The following RABGAP1 variants were observed in gnomAD, a reference collection of about 807,000 sequenced individuals.
The protein encoded by RABGAP1 is RAB GTPase activating protein 1.
A neutral mutation model predicts 137.6 loss-of-function variants in RABGAP1; 23 were observed. The observed-to-expected ratio is 0.17, with a 90% CI of 0.12 to 0.24. RABGAP1 has a LOEUF of 0.24. Ranked by LOEUF, RABGAP1 falls within the 10% of genes least tolerant of loss-of-function variation. The pLI, the probability that RABGAP1 is intolerant of heterozygous loss-of-function variation, is 1.00. For missense variants in RABGAP1, 906 were observed against 1,275.8 expected, an observed-to-expected ratio of 0.71 and a Z score of 4.42; for synonymous variants, 451 against 450.7, an observed-to-expected ratio of 1.00 and a Z score of -0.01.
At chr9:122,945,146 G>GTTTTTTTTTTTTTTTTTTTTTTTTTTTT (rs1564348056) in intron 1 of RABGAP1, among the ~76,000 whole-genome samples, 1 of 9,178 alleles carries the variant, frequency 1.1e-4, no homozygotes, top group African/African-American at 1.7e-4. Flanking sequence ...CATAGCTGTT[G>GTTTTTTTTTTTTTTTTTTTTTTTTTTTT]CTTTTTTTTT....
At position 123,029,337 on chromosome 9, in the gene RABGAP1, A is replaced by G. The variant is rs934585471; in HGVS notation, c.1794+8878A>G. ...AGCTCATTTTTTTTTTTTACTTAAT[A>G]AAGTTTTATTTTTCCAAATGTAGAG... On this transcript the variant is annotated intron_variant, in intron 13 of 25. Coordinates refer to ENST00000373647, the MANE Select transcript of RABGAP1 (RefSeq NM_012197.4). 7.9e-6 allele frequency: 6 copies of G among 756,612 alleles called. No individual in the cohort carries two copies. In the African/African-American group the frequency reaches 1.1e-4, roughly 13 times the overall value. The allele number at this position is 756,612 out of a possible 1,614,324, so 46.9% of individuals were successfully genotyped here. A position where few individuals can be genotyped will look rare whatever the true frequency, so the allele number is the denominator to read the frequency against.
chr9:123,093,372 A>T (rs1435674638), intron 21 of RABGAP1, among the ~76,000 whole-genome samples: 1 of 152,184 alleles, frequency 6.6e-6, no homozygotes, highest in Non-Finnish European at 1.5e-5. Context: ...CACTGGTGTT[A>T]AAAGGATGAG....
chr9:123,020,428 T>C lies in RABGAP1; in HGVS notation c.1763T>C (p.Leu588Pro). ...GCAGGCTGTCATAACAATGACCACC[T>C]GGTAGAGAAATACCGCATTCTTATC... is the stretch of plus-strand genomic sequence containing the variant. The part of the protein sequence containing the change: ...LLAGCHNNDH[L>P]VEKYRILITK... The change falls in exon 13 of 26, where the codon CTG becomes CCG. Residue 588 changes from leucine to proline, a missense_variant. Leu to Pro is a moderately conservative substitution (Grantham distance 98). Coordinates refer to ENST00000373647, the MANE Select transcript of RABGAP1 (RefSeq NM_012197.4). 6.2e-7 allele frequency: 1 copy of C among 1,605,012 alleles called. No homozygotes were observed. Among genetic ancestry groups the C allele is most frequent in the Non-Finnish European group, 8.5e-7 (1 of 1,175,486 alleles).
intron 11 of RABGAP1, among the ~76,000 whole-genome samples, chr9:123,014,619 C>G (rs1447323889): frequency 3.3e-5 from 5 of 150,868 alleles, no homozygotes; most frequent in Non-Finnish European, 7.4e-5. Context: ...AAAGACATAC[C>G]CGACCGAGAC....
In RABGAP1 at chr9:122,997,247, C is replaced by T; in HGVS notation, c.1102-12C>T. On this transcript the variant is annotated splice_polypyrimidine_tract_variant and intron_variant, in intron 8 of 25. Transcript: ENST00000373647. ...TGTGGCATTCGGGTTTATTTTTACT[C>T]TTTTTTTCTAGGAATCTATGGGCAA... 1.3e-6 allele frequency: 2 copies of T among 1,586,884 alleles called. No homozygotes were observed. Among genetic ancestry groups the T allele is most frequent in the Non-Finnish European group, 1.7e-6 (2 of 1,163,896 alleles).
chr9:123,067,531 C>G (rs1395573316), intron 14 of RABGAP1, among the ~76,000 whole-genome samples: 6 of 152,200 alleles, frequency 3.9e-5, no homozygotes, highest in Admixed American at 3.3e-4. Flanking sequence ...TGTATTATAT[C>G]CTGACTTAGC....
upstream of RABGAP1, among the ~76,000 whole-genome samples, chr9:122,937,336 C>T (rs1265166387): frequency 2.6e-5 from 4 of 152,344 alleles, no homozygotes; most frequent in South Asian, 2.1e-4. Flanking sequence ...GGGTGGCTCA[C>T]GCCTGTAATC....
intron 2 of RABGAP1, among the ~76,000 whole-genome samples, chr9:122,975,025 T>C (rs1417193699): frequency 1.3e-5 from 2 of 152,244 alleles, no homozygotes; most frequent in African/African-American, 4.8e-5. Flanking sequence ...TATTTAGTGT[T>C]ATAAGTAACA....
At chr9:123,034,638 T>G in intron 13 of RABGAP1, 1 of 1,613,722 alleles carries the variant, frequency 6.2e-7, no homozygotes. Flanking sequence ...ATTTGGAAAC[T>G]GTCAATTTTT....
intron 12 of RABGAP1, among the ~76,000 whole-genome samples, chr9:123,015,863 A>C (rs2031185591): frequency 6.6e-6 from 1 of 152,226 alleles, no homozygotes. Context: ...ATATTTATCC[A>C]AATGTGGAAT....
chr9:123,094,152 A>AT (rs1412644660), intron 21 of RABGAP1, among the ~76,000 whole-genome samples: 1 of 152,072 alleles, frequency 6.6e-6, no homozygotes, highest in Non-Finnish European at 1.5e-5. Context: ...TTTTAAATAT[A>AT]TTTTTTCAGA....
intron 16 of RABGAP1, 46 bp downstream of exon 16, chr9:123,073,723 T>TA: frequency 1.9e-6 from 3 of 1,606,642 alleles, no homozygotes; most frequent in Non-Finnish European, 2.5e-6. Flanking sequence ...AGTACAGGAC[T>TA]AAGGAGCACC....
chr9:123,070,482 C>G lies in RABGAP1; in HGVS notation c.1983+58C>G. ...CATGGCCTCCCTCAGCTTATACTAA[C>G]CTTAGGCTTGAGCATGGTTTTATAT... On this transcript the variant is annotated intron_variant, in intron 15 of 25. Coordinates refer to ENST00000373647, the MANE Select transcript of RABGAP1 (RefSeq NM_012197.4). This position sits in a 1 kb window ranked among gnomAD's most constrained non-coding sequence, Gnocchi z 4.4. 1 of 1,611,670 alleles carries G rather than the reference C, an allele frequency of 6.2e-7. No homozygotes were observed. The highest frequency in any genetic ancestry group is 8.5e-7 in the Non-Finnish European group (1 of 1,178,952).
intron 6 of RABGAP1, among the ~76,000 whole-genome samples, chr9:122,995,130 AAG>A (rs1836948683): frequency 6.6e-6 from 1 of 152,102 alleles, no homozygotes; most frequent in Non-Finnish European, 1.5e-5. Context: ...AAAAAAGAAA[AAG>A]AATATTTTTA....
intron 2 of RABGAP1, among the ~76,000 whole-genome samples, chr9:122,981,321 C>CAGCAAAAAACCAACTTTTTAAAGCAG (rs1287988201): frequency 6.6e-6 from 1 of 152,070 alleles, no homozygotes; most frequent in East Asian, 1.9e-4. Flanking sequence ...CCACTGCACC[C>CAGCAAAAAACCAACTTTTTAAAGCAG]AGCAAAAAAC....
chr9:122,975,526 A>G (rs1835719066), intron 2 of RABGAP1, among the ~76,000 whole-genome samples: 1 of 152,232 alleles, frequency 6.6e-6, no homozygotes, highest in Non-Finnish European at 1.5e-5. Flanking sequence ...TTATTCCAGT[A>G]TGCTGCTTTT....
intron 13 of RABGAP1, among the ~76,000 whole-genome samples, chr9:123,055,432 G>A (rs769969172): frequency 2.0e-5 from 3 of 151,854 alleles, no homozygotes; most frequent in Admixed American, 6.6e-5. Context: ...GCATTTCACC[G>A]TGTTGCCCAG....
chr9:122,976,682 A>G (rs1222775771), intron 2 of RABGAP1, among the ~76,000 whole-genome samples: 5 of 152,210 alleles, frequency 3.3e-5, no homozygotes, highest in Non-Finnish European at 7.4e-5. Context: ...CCCAGTCACT[A>G]TCTGAAGCTT....
At chr9:123,069,266 T>C (rs1308221355) in intron 14 of RABGAP1, among the ~76,000 whole-genome samples, 5 of 152,210 alleles carry the variant, frequency 3.3e-5, no homozygotes, top group African/African-American at 1.2e-4. Context: ...ACTGGTGTTG[T>C]GGAAAGAATT....
Sources: allele counts gnomAD v4.1 joint callset (sites outside exome capture counted in the v4.1 genomes callset), GRCh38; gene constraint gnomAD v4.1.1; non-coding constraint Gnocchi (gnomAD v3.1); transcripts MANE v1.5; gene names NCBI Gene and HGNC (gene_info 2026-07-23, HGNC 2026-07-21).